The following CNBD1 variants were observed in gnomAD, a reference collection of about 807,000 sequenced individuals.
The protein encoded by CNBD1 is cyclic nucleotide binding domain containing 1, also known as cyclic nucleotide-binding domain-containing protein 1.
CNBD1 carries 71 observed loss-of-function variants against 54.4 expected under a neutral mutation model. The observed-to-expected ratio is 1.30, with a 90% confidence interval of 1.08 to 1.59. The LOEUF is 1.59. CNBD1 is among the 40% of genes most tolerant of loss of function. CNBD1 has a pLI of 0.00. For missense variants in CNBD1, 659 were observed against 518.0 expected, an observed-to-expected ratio of 1.27 and a Z score of -2.64; for synonymous variants, 182 against 170.7, an observed-to-expected ratio of 1.07 and a Z score of -0.51.
chr8:87,390,327 A>G (rs1207847834), intron 2 of CNBD1, among the ~76,000 whole-genome samples: 1 of 152,158 alleles, frequency 6.6e-6, no homozygotes, highest in Non-Finnish European at 1.5e-5. Flanking sequence ...CAGTATGGGA[A>G]AAAATTTTTG....
chr8:87,422,430 C>G (rs918249430), intron 2 of CNBD1, among the ~76,000 whole-genome samples: 4 of 149,524 alleles, frequency 2.7e-5, no homozygotes, highest in African/African-American at 7.5e-5. Flanking sequence ...GTCTTTAATC[C>G]ATCTTGAATT....
chr8:87,132,927 A>G (rs1041960029), intron 4 of CNBD1, among the ~76,000 whole-genome samples: 3 of 151,140 alleles, frequency 2.0e-5, no homozygotes, highest in Admixed American at 1.3e-4. Flanking sequence ...CTCAGGTTCT[A>G]TGAAATCATT....
intron 2 of CNBD1, among the ~76,000 whole-genome samples, chr8:87,396,989 T>A (rs954201841): frequency 6.6e-6 from 1 of 151,726 alleles, no homozygotes; most frequent in Non-Finnish European, 1.5e-5. Context: ...TATAACTAAT[T>A]TCCCAAACAT....
At chr8:87,284,133 G>C (rs1445894799) in intron 6 of CNBD1, among the ~76,000 whole-genome samples, 1 of 151,858 alleles carries the variant, frequency 6.6e-6, no homozygotes, top group East Asian at 1.9e-4. Context: ...ATAAATGTAG[G>C]TTCTCTGTGC....
At chr8:87,155,940 T>C (rs566470188) in intron 4 of CNBD1, among the ~76,000 whole-genome samples, 4 of 152,070 alleles carry the variant, frequency 2.6e-5, no homozygotes, top group African/African-American at 9.7e-5. Context: ...ATGAAAACTT[T>C]TTAAGGTGAG....
intron 2 of CNBD1, among the ~76,000 whole-genome samples, chr8:87,390,198 C>G (rs1322448748): frequency 6.6e-6 from 1 of 152,104 alleles, no homozygotes; most frequent in Non-Finnish European, 1.5e-5. Context: ...GCAAGGACTT[C>G]ATGTCTAAAA....
intron 6 of CNBD1, among the ~76,000 whole-genome samples, chr8:87,241,525 G>A (rs13275129): frequency 0.71 from 106,978 of 151,170 alleles, 39,072 homozygotes; most frequent in African/African-American, 0.88. Flanking sequence ...ACCCGCCTCG[G>A]CCTCCCAAAG....
chr8:86,943,703 T>C lies in CNBD1; in HGVS notation c.431+3949T>C, dbSNP rs1267517439. ...TGGGAGGCCCCTTTTTAAAATTTTG[T>C]TTTTTAAGGCATATCAGATTGAATA... On this transcript the variant is annotated intron_variant, in intron 4 of 10. Transcript: ENST00000518476. Among the ~76,000 whole-genome samples the C allele has an allele frequency of 3.3e-5, 5 of 152,016 alleles. No individual in the cohort carries two copies. The East Asian group carries it at 9.6e-4, about 29-fold the overall frequency.
At chr8:86,945,491 GC>G (rs1392777300) in intron 4 of CNBD1, among the ~76,000 whole-genome samples, 1 of 152,138 alleles carries the variant, frequency 6.6e-6, no homozygotes. Context: ...TGGTGAAATG[GC>G]ACATAAGATG....
intron 2 of CNBD1, among the ~76,000 whole-genome samples, chr8:87,414,973 C>T (rs1439537941): frequency 1.3e-5 from 2 of 151,998 alleles, no homozygotes; most frequent in African/African-American, 4.8e-5. Context: ...AAATGGGTGG[C>T]TGGATGCTGC....
At chr8:87,030,181 G>A (rs1382017820) in intron 4 of CNBD1, among the ~76,000 whole-genome samples, 1 of 152,074 alleles carries the variant, frequency 6.6e-6, no homozygotes, top group Non-Finnish European at 1.5e-5. Flanking sequence ...TTTTATGGCT[G>A]CTAGATTTAA....
chr8:87,266,637 A>C (rs1808265129), intron 6 of CNBD1, among the ~76,000 whole-genome samples: 1 of 151,238 alleles, frequency 6.6e-6, no homozygotes, highest in African/African-American at 2.4e-5. Flanking sequence ...TTTAGTAGAG[A>C]AGGGGTTTCT....
intron 3 of CNBD1, among the ~76,000 whole-genome samples, chr8:86,923,784 G>C (rs925005391): frequency 2.0e-5 from 3 of 152,028 alleles, no homozygotes; most frequent in Non-Finnish European, 4.4e-5. Flanking sequence ...TTCATTTCTG[G>C]GTAAACAAGC....
At chr8:87,338,236 G>C (rs1458314857) in intron 8 of CNBD1, among the ~76,000 whole-genome samples, 1 of 151,904 alleles carries the variant, frequency 6.6e-6, no homozygotes, top group Admixed American at 6.6e-5. Flanking sequence ...AATGAATTTT[G>C]CTTATACATA....
At chr8:87,358,543 C>G (rs929002865) in intron 10 of CNBD1, among the ~76,000 whole-genome samples, 46 of 150,676 alleles carry the variant, frequency 3.1e-4, no homozygotes, top group African/African-American at 1.1e-3. Flanking sequence ...ACATTTCACA[C>G]GTTGTATTAT....
Position 87,102,773 on chromosome 8 carries a change from C to T in CNBD1, c.432-103220C>T, listed in dbSNP as rs1489432904. Among the ~76,000 whole-genome samples the T allele has an allele frequency of 2.0e-5, 3 of 152,104 alleles. No homozygotes were observed. In the East Asian group the frequency reaches 5.8e-4, roughly 30 times the overall value. On this transcript the variant is annotated intron_variant, in intron 4 of 10. Coordinates refer to ENST00000518476, the MANE Select transcript of CNBD1 (RefSeq NM_173538.3). ...GGACTACAGGCACCTGCCAAAACGC[C>T]CGGCTAATTTTTTTGTATTTTTAGT...
intron 5 of CNBD1, among the ~76,000 whole-genome samples, chr8:87,226,413 T>G (rs532793907): frequency 0.017 from 2,534 of 149,530 alleles, 65 homozygotes; most frequent in African/African-American, 0.058. Context: ...CTGCTTTGAA[T>G]GCGTCCCAGA....
chr8:87,394,153 G>A (rs1362256544), intron 2 of CNBD1, among the ~76,000 whole-genome samples: 1 of 151,826 alleles, frequency 6.6e-6, no homozygotes, highest in East Asian at 1.9e-4. Flanking sequence ...AATATTTTAT[G>A]AGCATGTTAC....
At chr8:87,168,123 C>T (rs1813004984) in intron 4 of CNBD1, among the ~76,000 whole-genome samples, 1 of 152,022 alleles carries the variant, frequency 6.6e-6, no homozygotes. Context: ...AGTGCATGTG[C>T]ATGACTGTAT....
Sources: gnomAD v4.1 joint callset for allele counts (sites outside exome capture counted in the v4.1 genomes callset) on GRCh38, gnomAD v4.1.1 for gene constraint, MANE v1.5 for transcripts, NCBI Gene and HGNC (gene_info 2026-07-23, HGNC 2026-07-21) for gene names.